HMCES: variants seen among roughly 807,000 people sequenced by gnomAD.
The protein encoded by HMCES is 5-hydroxymethylcytosine binding, ES cell specific.
In HMCES, 27 loss-of-function variants were observed where a neutral mutation model predicts 35.1. That is an observed-to-expected ratio of 0.77 (90% CI 0.57 to 1.06). HMCES has a LOEUF of 1.06. HMCES is among the 50% of genes least tolerant of loss of function. The probability of loss-of-function intolerance (pLI) is 0.00; values close to 1 mark genes in which losing one functional copy is unlikely to be tolerated. For missense variants in HMCES, 391 were observed against 430.4 expected (o/e 0.91, Z 0.81); for synonymous variants, 130 against 154.7 (o/e 0.84, Z 1.18).
chr3:129,282,228 G>C (rs1486322652), intron 2 of HMCES, among the ~76,000 whole-genome samples: 1 of 149,982 alleles, frequency 6.7e-6, no homozygotes, highest in African/African-American at 2.5e-5. Context: ...GGGAGGCTGA[G>C]GCCAGAGAAT....
chr3:129,288,619 C>T (rs111233257), intron 2 of HMCES, among the ~76,000 whole-genome samples: 15 of 152,030 alleles, frequency 9.9e-5, no homozygotes, highest in Non-Finnish European at 1.6e-4. Context: ...ATGGCTTGAG[C>T]CAGGAGGTAG....
chr3:129,286,438 A>G (rs934507880), intron 2 of HMCES, among the ~76,000 whole-genome samples: 5 of 152,224 alleles, frequency 3.3e-5, no homozygotes, highest in African/African-American at 1.2e-4. Flanking sequence ...AGTATCACTC[A>G]TGCCACATTC....
At chr3:129,283,490 A>T (rs531162359) in intron 2 of HMCES, among the ~76,000 whole-genome samples, 16 of 151,556 alleles carry the variant, frequency 1.1e-4, no homozygotes, top group African/African-American at 3.4e-4. Flanking sequence ...TCCTTTTGAC[A>T]TTTTGAGGGG....
chr3:129,283,636 G>A (rs1417877567), intron 2 of HMCES, among the ~76,000 whole-genome samples: 4 of 152,066 alleles, frequency 2.6e-5, no homozygotes, highest in Non-Finnish European at 5.9e-5. Context: ...TTGTAGACCA[G>A]CCTGACCAAC....
chr3:129,284,978 C>T (rs60944480), intron 2 of HMCES, among the ~76,000 whole-genome samples: 1 of 152,022 alleles, frequency 6.6e-6, no homozygotes, highest in African/African-American at 2.4e-5. Flanking sequence ...ATTTTATCAG[C>T]AGCACTATGG....
chr3:129,283,152 A>G (rs1428444830), intron 2 of HMCES, among the ~76,000 whole-genome samples: 1 of 152,180 alleles, frequency 6.6e-6, no homozygotes, highest in Non-Finnish European at 1.5e-5. Flanking sequence ...ATCTCCAGAT[A>G]CTGCCAGAAG....
chr3:129,290,848 G>C (rs769487849), intron 4 of HMCES, 44 bp downstream of exon 4: 5 of 1,559,186 alleles, frequency 3.2e-6, no homozygotes, highest in Non-Finnish European at 2.6e-6. Flanking sequence ...AAAGGCACAG[G>C]GAAACAAATT....
At chr3:129,293,991 A>G (rs1215910572) in intron 4 of HMCES, among the ~76,000 whole-genome samples, 1 of 152,116 alleles carries the variant, frequency 6.6e-6, no homozygotes, top group Non-Finnish European at 1.5e-5. Flanking sequence ...ATTGGGTTAA[A>G]ATCCATTGTT....
chr3:129,278,979 C>G (rs1940367666), intron 1 of HMCES, 74 bp downstream of exon 1: 1 of 150,432 alleles, frequency 6.6e-6, no homozygotes, highest in African/African-American at 2.5e-5. Context: ...GCGACGCGAG[C>G]TGACAGAGGG....
Position 129,290,818 on chromosome 3 carries a change from C to T in HMCES, c.453+14C>T, listed in dbSNP as rs369627204. On this transcript the variant is annotated intron_variant, in intron 4 of 6. Transcript: ENST00000383463. ...AAGACAGAGAAGGTATCATTATCAG[C>T]ATTCACAATATATATTTGGAAAGGC... is the stretch of plus-strand genomic sequence containing the variant. 1 of 1,607,800 alleles carries T rather than the reference C, an allele frequency of 6.2e-7. No individual in the cohort carries two copies. Among genetic ancestry groups the T allele is most frequent in the Admixed American group, 1.7e-5 (1 of 59,854 alleles).
At chr3:129,292,548 A>G (rs1451094585) in intron 4 of HMCES, among the ~76,000 whole-genome samples, 1 of 142,548 alleles carries the variant, frequency 7.0e-6, no homozygotes, top group Non-Finnish European at 1.5e-5. Flanking sequence ...GCTGGAGTGC[A>G]GTGGCGTGAT....
In HMCES at chr3:129,279,731, G is replaced by A; in HGVS notation, c.-2G>A. The A allele has an allele frequency of 1.2e-6, 2 of 1,612,804 alleles. No individual in the cohort carries two copies. The highest frequency in any genetic ancestry group is 1.7e-6 in the Non-Finnish European group (2 of 1,179,544). ...AAAGGTTGCGAGGGGCGGTGTTGAA[G>A]AATGTGTGGGCGAACATCCTGTCAC... is the stretch of plus-strand genomic sequence containing the variant. On this transcript the variant is annotated 5_prime_UTR_variant, in exon 2 of 7. Coordinates refer to ENST00000383463, the MANE Select transcript of HMCES (RefSeq NM_020187.3). This position sits in a 1 kb window ranked among gnomAD's most constrained non-coding sequence, Gnocchi z 4.2.
Position 129,298,365 on chromosome 3 carries a change from T to A in HMCES, c.465T>A (p.Ile155=), listed in dbSNP as rs767266203. ...TATTTTGCTTCCAGTCAGGTAGCAT[T>A]GGTGCTGCAGATAGTCCTGAGAACT... ...PQIKTEKSGS[I]GAADSPENWE... Residue 155 remains isoleucine, a synonymous_variant, in exon 5 of 7, where the codon ATT becomes ATA. Transcript: ENST00000383463. 1 of 1,614,204 alleles carries A rather than the reference T, an allele frequency of 6.2e-7. No individual in the cohort carries two copies. The highest frequency in any genetic ancestry group is 8.5e-7 in the Non-Finnish European group (1 of 1,180,038).
At chr3:129,297,388 G>A (rs944433572) in intron 4 of HMCES, among the ~76,000 whole-genome samples, 1 of 151,988 alleles carries the variant, frequency 6.6e-6, no homozygotes, top group Non-Finnish European at 1.5e-5. Context: ...ATTCCTAGGC[G>A]TGACAGGGAT....
At chr3:129,283,328 G>T (rs1940547900) in intron 2 of HMCES, among the ~76,000 whole-genome samples, 1 of 150,696 alleles carries the variant, frequency 6.6e-6, no homozygotes, top group African/African-American at 2.4e-5. Context: ...CCTTCTGCTT[G>T]GAAGACTTTT....
intron 2 of HMCES, among the ~76,000 whole-genome samples, chr3:129,283,959 C>T (rs990144562): frequency 1.3e-5 from 2 of 152,374 alleles, no homozygotes; most frequent in Non-Finnish European, 2.9e-5. Flanking sequence ...TATGAAATCT[C>T]TGTTTTCAAC....
intron 2 of HMCES, among the ~76,000 whole-genome samples, chr3:129,283,489 C>T (rs1940552173): frequency 6.6e-6 from 1 of 151,618 alleles, no homozygotes; most frequent in Admixed American, 6.6e-5. Flanking sequence ...TTCCTTTTGA[C>T]ATTTTGAGGG....
At position 129,306,029 on chromosome 3, in the gene HMCES, A is replaced by G. The variant is rs1412025666; in HGVS notation, c.*1204A>G. On this transcript the variant is annotated 3_prime_UTR_variant, in exon 7 of 7. Coordinates refer to ENST00000383463, the MANE Select transcript of HMCES (RefSeq NM_020187.3). ...GGCGGGGGTTGGCCCGTAGTTGTAC[A>G]CTCAGTCACCCTGCACTGTGGAGGC... 1 of 152,076 alleles carries G rather than the reference A, an allele frequency of 6.6e-6. No individual in the cohort carries two copies. The highest frequency in any genetic ancestry group is 6.5e-5 in the Admixed American group (1 of 15,276). 9.4% of individuals were successfully genotyped at this position (152,076 alleles called of 1,614,324 possible).
chr3:129,297,655 A>G lies in HMCES; in HGVS notation c.454-699A>G, dbSNP rs556129526. On this transcript the variant is annotated intron_variant, in intron 4 of 6. Transcript: ENST00000383463. ...GCTAGCCTGTACGCTGCTTGTAGAA[A>G]TGTGATAATAACATTATCTGAATTC... is the stretch of plus-strand genomic sequence containing the variant. 3.9e-5 allele frequency among the ~76,000 whole-genome samples: 6 copies of G among 152,198 alleles called. No individual in the cohort carries two copies. The South Asian group carries it at 1.2e-3, about 32-fold the overall frequency.
Sources: gnomAD v4.1 joint callset for allele counts (sites outside exome capture counted in the v4.1 genomes callset) on GRCh38, gnomAD v4.1.1 for gene constraint, Gnocchi (gnomAD v3.1) non-coding constraint, MANE v1.5 for transcripts, NCBI Gene and HGNC (gene_info 2026-07-23, HGNC 2026-07-21) for gene names.